GPC3: variants seen among roughly 807,000 people sequenced by gnomAD.
GPC3 encodes glypican 3.
A neutral mutation model predicts 34.4 loss-of-function variants in GPC3; 3 were observed. That is an observed-to-expected ratio of 0.09 (90% CI 0.04 to 0.23). The LOEUF (loss-of-function observed/expected upper bound fraction) is 0.23. Among genes scored for constraint, GPC3 ranks in the 10% least tolerant of loss-of-function variants. The pLI, the probability that GPC3 is intolerant of heterozygous loss-of-function variation, is 1.00. For missense variants in GPC3, 351 were observed against 445.6 expected (o/e 0.79, Z 1.91); for synonymous variants, 177 against 174.0 (o/e 1.02, Z -0.13).
chrX:133,561,595 T>C (rs756813836), intron 7 of GPC3, among the ~76,000 whole-genome samples: 1 of 112,320 alleles, frequency 8.9e-6, no homozygotes, highest in Non-Finnish European at 1.9e-5. Context: ...AATGGACTTA[T>C]TAAAGGGAAG....
At chrX:133,702,730 A>G (rs965224916) in intron 3 of GPC3, among the ~76,000 whole-genome samples, 14 of 111,324 alleles carry the variant, frequency 1.3e-4, no homozygotes, top group African/African-American at 3.9e-4. Flanking sequence ...TATCAAGCCA[A>G]CTTTCCAAGG....
chrX:133,869,411 C>T (rs1276093724), intron 2 of GPC3, among the ~76,000 whole-genome samples: 1 of 111,910 alleles, frequency 8.9e-6, no homozygotes, highest in Non-Finnish European at 1.9e-5. Flanking sequence ...CACCCAGAAT[C>T]TAGTGCTAAC....
chrX:133,729,851 G>C (rs1195427872), intron 3 of GPC3, among the ~76,000 whole-genome samples: 1 of 112,117 alleles, frequency 8.9e-6, no homozygotes, highest in East Asian at 2.8e-4. Context: ...CTGATACTTT[G>C]AAAGTCCTAG....
At chrX:133,963,995 AC>A (rs1321557312) in intron 1 of GPC3, among the ~76,000 whole-genome samples, 1 of 107,959 alleles carries the variant, frequency 9.3e-6, no homozygotes, top group Non-Finnish European at 1.9e-5. Flanking sequence ...GAATCTGGTG[AC>A]CCCCAGGGTT....
intron 7 of GPC3, among the ~76,000 whole-genome samples, chrX:133,580,526 T>C (rs1392565642): frequency 4.5e-5 from 5 of 111,934 alleles, no homozygotes; most frequent in Non-Finnish European, 9.4e-5. Context: ...GAGACATTCA[T>C]GGCTCCATGC....
At position 133,687,092 on chromosome X, in the gene GPC3, A is replaced by ATTTTTTTT. The variant is rs775110101; in HGVS notation, c.1292+5269_1292+5276dup. On this transcript the variant is annotated intron_variant, in intron 5 of 7. Transcript: ENST00000370818. ...GGGCACCTGCCACCATGGCCGGCTAATTTTTTTTTTTTTTTTTTTTTTTGT... is the reference window on the plus strand; with the variant it reads ...GGGCACCTGCCACCATGGCCGGCTAATTTTTTTTTTTTTTTTTTTTTTTTTTTTTTTGT... Among the ~76,000 whole-genome samples, 49 of 69,235 alleles carry ATTTTTTTT rather than the reference A, an allele frequency of 7.1e-4. 1 individual carries two copies. Among genetic ancestry groups the ATTTTTTTT allele is most frequent in the African/African-American group, 2.3e-3 (29 of 12,645 alleles). 60.1% of individuals were successfully genotyped at this position (69,235 alleles called of 115,157 possible).
chrX:133,623,011 T>C (rs921906593), intron 6 of GPC3, among the ~76,000 whole-genome samples: 3 of 112,089 alleles, frequency 2.7e-5, no homozygotes, highest in African/African-American at 9.7e-5. Flanking sequence ...TATTCAACAT[T>C]CTTAAAGAAA....
At position 133,953,130 on chromosome X, in the gene GPC3, C is replaced by T. The variant is rs1158430569; in HGVS notation, c.257G>A (p.Arg86Gln). 23 of 1,204,096 alleles carry T rather than the reference C, an allele frequency of 1.9e-5. No homozygotes were observed. Among genetic ancestry groups the T allele is most frequent in the East Asian group, 3.0e-5 (1 of 33,739 alleles). Residue 86 changes from arginine to glutamine, a missense_variant, in exon 2 of 8, where the codon CGA becomes CAA. Coordinates refer to ENST00000370818, the MANE Select transcript of GPC3 (RefSeq NM_004484.4). ...KMEEKYQLTA[R>Q]LNMEQLLQSA... is the part of the protein sequence containing the mutation. ...CTGAAGCAGCTGTTCCATGTTCAATCGTGCTGTTAGTTGGTATTTTTCTTC... is the reference window on the plus strand; with the variant it reads ...CTGAAGCAGCTGTTCCATGTTCAATTGTGCTGTTAGTTGGTATTTTTCTTC...
Position 133,814,760 on chromosome X carries a change from G to T in GPC3, c.338-60584C>A, listed in dbSNP as rs757928969. 8.0e-4 allele frequency among the ~76,000 whole-genome samples: 88 copies of T among 110,299 alleles called. No individual in the cohort carries two copies. The Middle Eastern group carries it at 0.014, about 17-fold the overall frequency. ...TTTTTGTATTTTTAGTAGAGACGGGGTTTCACCATGTTGGTCAGGCTGGTC... is the reference window on the plus strand; with the variant it reads ...TTTTTGTATTTTTAGTAGAGACGGGTTTTCACCATGTTGGTCAGGCTGGTC... On this transcript the variant is annotated intron_variant, in intron 2 of 7. Transcript: ENST00000370818.
At chrX:133,774,914 G>A (rs1186665258) in intron 2 of GPC3, among the ~76,000 whole-genome samples, 1 of 111,173 alleles carries the variant, frequency 9.0e-6, no homozygotes, top group East Asian at 2.8e-4. Flanking sequence ...CTTGGTAGAA[G>A]GGCACTGATC....
At chrX:133,654,905 C>A (rs1210856404) in intron 6 of GPC3, among the ~76,000 whole-genome samples, 9 of 111,268 alleles carry the variant, frequency 8.1e-5, no homozygotes. Context: ...GCTAACATGT[C>A]CAGTTAAAAA....
At chrX:133,922,259 C>T (rs960576401) in intron 2 of GPC3, among the ~76,000 whole-genome samples, 4 of 112,004 alleles carry the variant, frequency 3.6e-5, no homozygotes, top group Admixed American at 9.5e-5. Flanking sequence ...CTACGCCTTT[C>T]CCACTGAGAA....
chrX:133,666,168 G>A (rs1404335953), intron 5 of GPC3, among the ~76,000 whole-genome samples: 1 of 111,691 alleles, frequency 9.0e-6, no homozygotes, highest in Non-Finnish European at 1.9e-5. Flanking sequence ...CTGTCATTCA[G>A]AAAAGTGCCC....
chrX:133,831,671 G>A (rs965834700), intron 2 of GPC3, among the ~76,000 whole-genome samples: 5 of 111,693 alleles, frequency 4.5e-5, no homozygotes, highest in African/African-American at 1.3e-4. Flanking sequence ...CGGAGGTTGC[G>A]ATGAGCTGAG....
chrX:133,569,231 G>C (rs1198455194), intron 7 of GPC3, among the ~76,000 whole-genome samples: 1 of 111,823 alleles, frequency 8.9e-6, no homozygotes, highest in Admixed American at 9.5e-5. Context: ...CCATGAATAT[G>C]TGAATCAAAA....
chrX:133,805,142 G>C (rs1241931397), intron 2 of GPC3, among the ~76,000 whole-genome samples: 3 of 112,039 alleles, frequency 2.7e-5, no homozygotes, highest in African/African-American at 9.8e-5. Flanking sequence ...TGAAGTAGTA[G>C]ACTTTGTTTA....
At chrX:133,842,353 C>T (rs1005903431) in intron 2 of GPC3, among the ~76,000 whole-genome samples, 1 of 99,092 alleles carries the variant, frequency 1.0e-5, no homozygotes, top group Non-Finnish European at 1.9e-5. Flanking sequence ...TTTTTAAAAA[C>T]TCCCCTATAT....
At chrX:133,912,516 T>G (rs1365775217) in intron 2 of GPC3, among the ~76,000 whole-genome samples, 1 of 110,100 alleles carries the variant, frequency 9.1e-6, no homozygotes, top group African/African-American at 3.3e-5. Flanking sequence ...ATTGGGTTTT[T>G]TTTTTTTTTT....
intron 5 of GPC3, among the ~76,000 whole-genome samples, chrX:133,687,383 G>GTTTTTT (rs1189478107): frequency 2.0e-5 from 1 of 50,207 alleles, no homozygotes; most frequent in Non-Finnish European, 3.9e-5. Flanking sequence ...AATTATCAGA[G>GTTTTTT]TTTTTTTTTT....
Sources: allele counts gnomAD v4.1 joint callset (sites outside exome capture counted in the v4.1 genomes callset), GRCh38; gene constraint gnomAD v4.1.1; transcripts MANE v1.5; gene names NCBI Gene and HGNC (gene_info 2026-07-23, HGNC 2026-07-21).